Variants in ARMH4 observed in about 807,000 individuals in gnomAD.
ARMH4 encodes the protein armadillo like helical domain containing 4.
A neutral mutation model predicts 61.9 loss-of-function variants in ARMH4; 49 were observed. That is an observed-to-expected ratio of 0.79 (90% confidence interval 0.63 to 1.00). The LOEUF (loss-of-function observed/expected upper bound fraction) is 1.00. Among genes scored for constraint, ARMH4 ranks in the 50% least tolerant of loss-of-function variants. The probability of loss-of-function intolerance (pLI) is 0.00; values close to 1 mark genes in which losing one functional copy is unlikely to be tolerated. For synonymous variants in ARMH4, 368 were observed against 341.5 expected (o/e 1.08, Z -0.85); for missense variants, 934 against 930.0 (o/e 1.00, Z -0.06).
intron 4 of ARMH4, among the ~76,000 whole-genome samples, chr14:58,115,154 C>G (rs1463547441): frequency 6.6e-6 from 1 of 151,996 alleles, no homozygotes; most frequent in Non-Finnish European, 1.5e-5. Flanking sequence ...GGTAAACAGA[C>G]AACCAACAGA....
chr14:58,134,567 A>G (rs1887240069), intron 2 of ARMH4, among the ~76,000 whole-genome samples: 1 of 152,224 alleles, frequency 6.6e-6, no homozygotes, highest in Admixed American at 6.5e-5. Flanking sequence ...TTTTTAAAAT[A>G]TTAGTTCTAG....
intron 5 of ARMH4, among the ~76,000 whole-genome samples, chr14:58,049,768 G>A (rs1884072569): frequency 6.6e-6 from 1 of 152,176 alleles, no homozygotes; most frequent in Non-Finnish European, 1.5e-5. Context: ...TACTGCTACT[G>A]AAACTCAGGG....
intron 3 of ARMH4, 117 bp from the exon 4 acceptor site, chr14:58,131,838 G>C: frequency 1.1e-6 from 1 of 925,458 alleles, no homozygotes; most frequent in Non-Finnish European, 1.7e-6. Context: ...AATACAGCAA[G>C]TTTGGCACTT....
chr14:58,022,831 G>A (rs1031344997), intron 5 of ARMH4, among the ~76,000 whole-genome samples: 2 of 152,150 alleles, frequency 1.3e-5, no homozygotes, highest in African/African-American at 2.4e-5. Flanking sequence ...GATATTGTAG[G>A]TTCAGTCCCA....
chr14:58,033,205 G>C (rs1353189679), intron 5 of ARMH4, among the ~76,000 whole-genome samples: 2 of 115,908 alleles, frequency 1.7e-5, no homozygotes, highest in African/African-American at 6.1e-5. Context: ...CTGGAGATCT[G>C]AGAACGGGCA....
intron 4 of ARMH4, among the ~76,000 whole-genome samples, chr14:58,112,250 A>AT (rs1886376642): frequency 2.0e-5 from 3 of 149,010 alleles, no homozygotes; most frequent in Non-Finnish European, 4.5e-5. Flanking sequence ...TGTGTTTGTT[A>AT]CTTTATTTTT....
At chr14:58,092,427 C>T (rs1030415709) in intron 5 of ARMH4, among the ~76,000 whole-genome samples, 33 of 152,212 alleles carry the variant, frequency 2.2e-4, no homozygotes, top group African/African-American at 5.3e-4. Flanking sequence ...AACGCTGCTG[C>T]TCCTTAAATA....
rs1275604502 is a variant in ARMH4 at position 58,036,350 on chromosome 14, AC to A, written c.2090-24201del. On this transcript the variant is annotated intron_variant, in intron 5 of 7. Transcript: ENST00000267485. The stretch of plus-strand genomic sequence containing the variant: ...AAAACGCCTTTGACAAAATTCAACA[AC>A]CCTTCATGCTAAAAACTCTCAATAA... Among the ~76,000 whole-genome samples the A allele has an allele frequency of 1.3e-4, 10 of 75,670 alleles. 2 individuals are homozygous for A. The highest frequency in any genetic ancestry group is 2.8e-4 in the Non-Finnish European group (10 of 35,424). 49.6% of individuals were successfully genotyped at this position (75,670 alleles called of 152,430 possible).
At chr14:58,129,395 C>T (rs1256635931) in intron 4 of ARMH4, among the ~76,000 whole-genome samples, 1 of 152,166 alleles carries the variant, frequency 6.6e-6, no homozygotes, top group Non-Finnish European at 1.5e-5. Context: ...CAGAGAAATG[C>T]TCCTGCCCCC....
chr14:58,050,204 G>A (rs1160292455), intron 5 of ARMH4, among the ~76,000 whole-genome samples: 2 of 152,220 alleles, frequency 1.3e-5, no homozygotes, highest in African/African-American at 4.8e-5. Context: ...AACTGGGAAA[G>A]CAAATGCTGT....
At chr14:58,074,680 C>G (rs1425254811) in intron 5 of ARMH4, among the ~76,000 whole-genome samples, 1 of 152,014 alleles carries the variant, frequency 6.6e-6, no homozygotes, top group Admixed American at 6.6e-5. Context: ...TTCCACCATA[C>G]CATGCAATAG....
At chr14:58,067,116 A>G (rs1160320841) in intron 5 of ARMH4, among the ~76,000 whole-genome samples, 2 of 152,248 alleles carry the variant, frequency 1.3e-5, no homozygotes, top group Non-Finnish European at 2.9e-5. Flanking sequence ...TTTGAAATAC[A>G]GCAGGATGGG....
At chr14:58,006,702 C>A (rs57230475) in intron 6 of ARMH4, among the ~76,000 whole-genome samples, 1 of 149,894 alleles carries the variant, frequency 6.7e-6, no homozygotes, top group Non-Finnish European at 1.5e-5. Context: ...TAGGTGGGAA[C>A]TGAACAATGA....
At chr14:58,023,598 T>C (rs1220445936) in intron 5 of ARMH4, among the ~76,000 whole-genome samples, 1 of 152,206 alleles carries the variant, frequency 6.6e-6, no homozygotes, top group African/African-American at 2.4e-5. Context: ...TGATAGCTTG[T>C]CCTCTTCCCA....
chr14:58,007,114 C>G (rs1313185675), intron 6 of ARMH4, among the ~76,000 whole-genome samples: 1 of 152,130 alleles, frequency 6.6e-6, no homozygotes, highest in Non-Finnish European at 1.5e-5. Context: ...TGGAAACACA[C>G]ACATGTTGAA....
chr14:58,138,374 T>TG lies in ARMH4; in HGVS notation c.984dup (p.Lys329GlnfsTer6), dbSNP rs770964750. 59 of 1,614,182 alleles carry TG rather than the reference T, an allele frequency of 3.7e-5. No homozygotes were observed. The highest frequency in any genetic ancestry group is 4.8e-5 in the Non-Finnish European group (57 of 1,180,028). On this transcript the variant is annotated frameshift_variant, in exon 2 of 8. Transcript: ENST00000267485. LOFTEE classifies it high-confidence loss of function. ...TGAGTCTCTTCATTGTCTCCAAGCT[T>TG]GGGGGTCCTTATCCGGCTTACACTC...
Position 58,096,881 on chromosome 14 carries a change from A to G in ARMH4, c.1932T>C (p.Asp644=). 6.2e-7 allele frequency: 1 copy of G among 1,614,174 alleles called. No homozygotes were observed. The highest frequency in any genetic ancestry group is 8.5e-7 in the Non-Finnish European group (1 of 1,180,044). ...DEEDKDADSL[D]EGLDGDTELP... is the part of the protein sequence containing the mutation. ...GCTCAGTGTCACCATCCAAGCCCTC[A>G]TCCAGCGAGTCTGCATCTTTATCTT... is the stretch of plus-strand genomic sequence containing the variant. The change falls in exon 5 of 8, where the codon GAT becomes GAC. Residue 644 remains aspartate, a synonymous_variant. Transcript: ENST00000267485.
intron 1 of ARMH4, 57 bp from the exon 2 acceptor site, chr14:58,139,471 T>C: frequency 1.0e-6 from 1 of 963,656 alleles, no homozygotes; most frequent in Non-Finnish European, 1.5e-6. Flanking sequence ...TAAATAAGTC[T>C]CTTTAAATTA....
At chr14:58,036,032 C>T (rs1438063401) in intron 5 of ARMH4, among the ~76,000 whole-genome samples, 2 of 127,456 alleles carry the variant, frequency 1.6e-5, no homozygotes, top group Non-Finnish European at 3.5e-5. Flanking sequence ...AAGAGGGAAT[C>T]CTCCCTAACT....
Sources: allele counts gnomAD v4.1 joint callset (sites outside exome capture counted in the v4.1 genomes callset), GRCh38; gene constraint gnomAD v4.1.1; transcripts MANE v1.5; gene names NCBI Gene and HGNC (gene_info 2026-07-23, HGNC 2026-07-21).